The following UBE2QL1 variants were observed in gnomAD, a reference collection of about 807,000 sequenced individuals.
UBE2QL1 encodes the protein ubiquitin conjugating enzyme E2 QL1, also known as ubiquitin-conjugating enzyme E2Q-like protein 1.
In UBE2QL1, 5 loss-of-function variants were observed where a neutral mutation model predicts 12.6. The observed-to-expected ratio is 0.40, with a 90% CI of 0.21 to 0.83. The LOEUF is 0.83. Ranked by LOEUF, UBE2QL1 falls within the 40% of genes least tolerant of loss-of-function variation. The pLI is 0.37. For synonymous variants in UBE2QL1, 96 were observed against 94.5 expected, an observed-to-expected ratio of 1.02 and a Z score of -0.10; for missense variants, 99 against 222.6, an observed-to-expected ratio of 0.44 and a Z score of 3.53.
intron 1 of UBE2QL1, among the ~76,000 whole-genome samples, chr5:6,471,602 T>C (rs996699065): frequency 1.3e-5 from 2 of 152,162 alleles, no homozygotes; most frequent in Admixed American, 1.3e-4. Context: ...CTGCAGTCTT[T>C]TGTGGCTTAC....
At chr5:6,471,650 T>C (rs915453437) in intron 1 of UBE2QL1, among the ~76,000 whole-genome samples, 2 of 152,128 alleles carry the variant, frequency 1.3e-5, no homozygotes, top group African/African-American at 4.8e-5. Flanking sequence ...CCATCCTCTG[T>C]GCAATAGAAG....
chr5:6,470,306 T>C (rs2126349762), intron 1 of UBE2QL1, among the ~76,000 whole-genome samples: 1 of 152,348 alleles, frequency 6.6e-6, no homozygotes, highest in South Asian at 2.1e-4. Flanking sequence ...TGCTTTGGTA[T>C]TTCATGAAGA....
In UBE2QL1 at chr5:6,491,534, C is replaced by G; in HGVS notation, c.*185C>G. The G allele has an allele frequency of 4.4e-6, 3 of 684,526 alleles. No individual in the cohort carries two copies. Among genetic ancestry groups the G allele is most frequent in the Non-Finnish European group, 6.5e-6 (3 of 461,802 alleles). The allele number at this position is 684,526 out of a possible 1,614,324, so 42.4% of individuals were successfully genotyped here. A position where few individuals can be genotyped will look rare whatever the true frequency, so the allele number is the denominator to read the frequency against. On this transcript the variant is annotated 3_prime_UTR_variant, in exon 2 of 2. Transcript: ENST00000399816. ...TACAGAGAGGAAGAGGGAGCAAATG[C>G]CGTTCGGATTATGTTTCGATTATAA...
intron 1 of UBE2QL1, among the ~76,000 whole-genome samples, chr5:6,463,553 G>C (rs963416760): frequency 1.3e-5 from 2 of 151,516 alleles, no homozygotes; most frequent in African/African-American, 4.8e-5. Flanking sequence ...GCGAGACCGT[G>C]GTCCGAAGTT....
intron 1 of UBE2QL1, among the ~76,000 whole-genome samples, chr5:6,483,393 C>A (rs550565358): frequency 6.6e-6 from 1 of 151,868 alleles, no homozygotes; most frequent in East Asian, 1.9e-4. Context: ...GAGCCAAGAT[C>A]GTGCCACTGC....
intron 1 of UBE2QL1, among the ~76,000 whole-genome samples, chr5:6,456,046 G>A (rs112919806): frequency 0.012 from 1,841 of 152,268 alleles, 35 homozygotes; most frequent in African/African-American, 0.041. Flanking sequence ...CTCCAGAGCC[G>A]TGGCTGACAA....
rs189651966 is a variant in UBE2QL1 at position 6,478,687 on chromosome 5, G to A, written c.355-12531G>A. Among the ~76,000 whole-genome samples, 12 of 151,290 alleles carry A rather than the reference G, an allele frequency of 7.9e-5. No homozygotes were observed. Among genetic ancestry groups the A allele is most frequent in the East Asian group, 7.8e-4 (4 of 5,146 alleles). ...CTATCTGTGCTGAGAGAACTGTTCC[G>A]CAGCAAGGCTGGGCCATAGCAGTTG... On this transcript the variant is annotated intron_variant, in intron 1 of 1. Transcript: ENST00000399816. The surrounding 1 kb of genome is among the most constrained non-coding windows in gnomAD (Gnocchi z 4.5).
At chr5:6,463,011 A>G (rs1451799009) in intron 1 of UBE2QL1, among the ~76,000 whole-genome samples, 3 of 152,196 alleles carry the variant, frequency 2.0e-5, no homozygotes, top group Non-Finnish European at 4.4e-5. Flanking sequence ...GCATCTCTAA[A>G]TCATCCACTT....
chr5:6,463,607 A>ATTG (rs2126338749), intron 1 of UBE2QL1, among the ~76,000 whole-genome samples: 1 of 140,828 alleles, frequency 7.1e-6, no homozygotes, highest in Admixed American at 6.9e-5. Context: ...TGTTATTATT[A>ATTG]TTATTATTAT....
chr5:6,487,328 G>C (rs568070283), intron 1 of UBE2QL1, among the ~76,000 whole-genome samples: 149 of 152,344 alleles, frequency 9.8e-4, no homozygotes, highest in South Asian at 5.8e-3. Flanking sequence ...TTGTTTGACA[G>C]ATGCAGCCCT....
At chr5:6,474,095 T>A (rs1734162352) in intron 1 of UBE2QL1, among the ~76,000 whole-genome samples, 1 of 152,206 alleles carries the variant, frequency 6.6e-6, no homozygotes, top group South Asian at 2.1e-4. Context: ...ACATTTACCT[T>A]CTAAAAGATA....
chr5:6,451,679 A>C (rs1431948069), intron 1 of UBE2QL1, among the ~76,000 whole-genome samples: 1 of 152,222 alleles, frequency 6.6e-6, no homozygotes, highest in Non-Finnish European at 1.5e-5. Context: ...AATGTGTGGC[A>C]TACATAAAAT....
chr5:6,491,223 G>A lies in UBE2QL1; in HGVS notation c.360G>A (p.Arg120=). 2 of 1,549,642 alleles carry A rather than the reference G, an allele frequency of 1.3e-6. No homozygotes were observed. Among genetic ancestry groups the A allele is most frequent in the Non-Finnish European group, 1.7e-6 (2 of 1,146,138 alleles). ...TTTCTTCTCATCTCACGCAGGGACG[G>A]ATCTGTAGAAAAGCTGGCAAATCAA... The part of the protein sequence containing the change: ...FAASLVKGQG[R]ICRKAGKSKK... The change falls in exon 2 of 2, where the codon CGG becomes CGA. Residue 120 remains arginine (R), a synonymous_variant. Transcript: ENST00000399816.
At chr5:6,489,928 C>T (rs2276999) in intron 1 of UBE2QL1, among the ~76,000 whole-genome samples, 8,159 of 152,262 alleles carry the variant, frequency 0.054, 685 homozygotes, top group African/African-American at 0.18. Context: ...ACCAGTGCCC[C>T]GAATTGGAAG....
Position 6,476,920 on chromosome 5 carries a change from C to A in UBE2QL1, c.355-14298C>A, listed in dbSNP as rs186791852. On this transcript the variant is annotated intron_variant, in intron 1 of 1. Transcript: ENST00000399816. The surrounding 1 kb of genome is among the most constrained non-coding windows in gnomAD (Gnocchi z 4.9). ...CATCCCCTTCCCCTTGGAAACCAGA[C>A]CCAAACTCCAGGGACCCCGAAATTC... 6.6e-6 allele frequency among the ~76,000 whole-genome samples: 1 copy of A among 152,236 alleles called. No individual in the cohort carries two copies. The highest frequency in any genetic ancestry group is 1.9e-4 in the East Asian group (1 of 5,166).
In UBE2QL1 at chr5:6,489,410, C is replaced by T. The variant is rs1366837597; in HGVS notation, c.355-1808C>T. On this transcript the variant is annotated intron_variant, in intron 1 of 1. Coordinates refer to ENST00000399816, the MANE Select transcript of UBE2QL1 (RefSeq NM_001145161.3). Reference sequence around the variant, plus strand: ...CTGCACTCCAGCCTGGATGACAGAGCAAGATCCTGTCTGTAAAAAAAAAAA... The same window carrying T: ...CTGCACTCCAGCCTGGATGACAGAGTAAGATCCTGTCTGTAAAAAAAAAAA... 2.7e-5 allele frequency among the ~76,000 whole-genome samples: 4 copies of T among 149,394 alleles called. No individual in the cohort carries two copies. The East Asian group carries it at 7.8e-4, about 29-fold the overall frequency.
At chr5:6,491,012 GC>G (rs1282972321) in intron 1 of UBE2QL1, among the ~76,000 whole-genome samples, 1 of 152,156 alleles carries the variant, frequency 6.6e-6, no homozygotes, top group East Asian at 1.9e-4. Context: ...AAGGCTGCCA[GC>G]CCCAGGCTGC....
At position 6,489,298 on chromosome 5, in the gene UBE2QL1, C is replaced by T. The variant is rs116139350; in HGVS notation, c.355-1920C>T. On this transcript the variant is annotated intron_variant, in intron 1 of 1. Transcript: ENST00000399816. ...AATTAGATAAATGTGGTGGCTCACA[C>T]CTGTAGTCCTAGGTACTCAGAAGGC... 6.0e-3 allele frequency among the ~76,000 whole-genome samples: 912 copies of T among 152,106 alleles called. 6 individuals carry two copies. Among genetic ancestry groups the T allele is most frequent in the African/African-American group, 0.021 (874 of 41,480 alleles).
intron 1 of UBE2QL1, among the ~76,000 whole-genome samples, chr5:6,449,468 C>G (rs948665879): frequency 1.3e-5 from 2 of 152,118 alleles, no homozygotes; most frequent in African/African-American, 4.8e-5. Flanking sequence ...CTCTCCCGTC[C>G]CCGTCTGGTC....
Sources: allele counts gnomAD v4.1 joint callset (sites outside exome capture counted in the v4.1 genomes callset), GRCh38; gene constraint gnomAD v4.1.1; non-coding constraint Gnocchi (gnomAD v3.1); transcripts MANE v1.5; gene names NCBI Gene and HGNC (gene_info 2026-07-23, HGNC 2026-07-21).